PGBD5: variants seen among roughly 807,000 people sequenced by gnomAD.
The protein encoded by PGBD5 is piggyBac transposable element derived 5.
A neutral mutation model predicts 47.9 loss-of-function variants in PGBD5; 14 were observed. The observed-to-expected ratio is 0.29, with a 90% confidence interval of 0.19 to 0.46. The LOEUF (loss-of-function observed/expected upper bound fraction) is 0.46. Among genes scored for constraint, PGBD5 ranks in the 20% least tolerant of loss-of-function variants. The pLI, the probability that PGBD5 is intolerant of heterozygous loss-of-function variation, is 1.00. For synonymous variants in PGBD5, 316 were observed against 306.3 expected, an observed-to-expected ratio of 1.03 and a Z score of -0.33; for missense variants, 635 against 716.0, an observed-to-expected ratio of 0.89 and a Z score of 1.29.
chr1:230,329,949 TC>T (rs1667186353), intron 5 of PGBD5, among the ~76,000 whole-genome samples: 2 of 152,284 alleles, frequency 1.3e-5, no homozygotes, highest in African/African-American at 4.8e-5. Flanking sequence ...TATCAACAGA[TC>T]CGCCTATGAA....
intron 1 of PGBD5, among the ~76,000 whole-genome samples, chr1:230,403,691 A>T (rs1657202142): frequency 1.3e-5 from 2 of 152,222 alleles, no homozygotes; most frequent in South Asian, 4.1e-4. Flanking sequence ...AGGGAAGGTC[A>T]TGCGGGGTCC....
chr1:230,335,810 C>G (rs116702701), intron 4 of PGBD5, among the ~76,000 whole-genome samples: 1 of 51,438 alleles, frequency 1.9e-5, no homozygotes, highest in Non-Finnish European at 5.4e-5. Context: ...GACACACAGA[C>G]ACATACACTG....
At chr1:230,332,307 T>G (rs1667233176) in intron 5 of PGBD5, among the ~76,000 whole-genome samples, 1 of 152,240 alleles carries the variant, frequency 6.6e-6, no homozygotes, top group African/African-American at 2.4e-5. Flanking sequence ...TTTCAGTGGT[T>G]TAGTGATGAT....
chr1:230,343,286 G>C (rs1474607600), intron 3 of PGBD5, among the ~76,000 whole-genome samples: 1 of 152,216 alleles, frequency 6.6e-6, no homozygotes, highest in African/African-American at 2.4e-5. Flanking sequence ...GGTTGGAGGA[G>C]GGACATGTAT....
intron 3 of PGBD5, among the ~76,000 whole-genome samples, chr1:230,338,944 C>T (rs567130919): frequency 2.2e-4 from 33 of 152,282 alleles, no homozygotes; most frequent in South Asian, 6.2e-4. Flanking sequence ...TGGGCCCATG[C>T]GAGATAAGTT....
chr1:230,357,348 T>C lies in PGBD5; in HGVS notation c.332-27A>G. ...TGAAACCCAAAGACAGGTGGAGTGT[T>C]CCTTAGGACGGCCGCCACACCCTGA... On this transcript the variant is annotated intron_variant, in intron 1 of 6. Coordinates refer to ENST00000391860, the MANE Select transcript of PGBD5 (RefSeq NM_001258311.2). This position sits in a 1 kb window ranked among gnomAD's most constrained non-coding sequence, Gnocchi z 5.7. 1 of 1,597,870 alleles carries C rather than the reference T, an allele frequency of 6.3e-7. No individual in the cohort carries two copies. Among genetic ancestry groups the C allele is most frequent in the Admixed American group, 1.7e-5 (1 of 59,348 alleles).
intron 2 of PGBD5, among the ~76,000 whole-genome samples, chr1:230,354,226 G>A (rs75883833): frequency 0.026 from 3,952 of 152,274 alleles, 157 homozygotes; most frequent in African/African-American, 0.089. Context: ...CGGAGCTGGT[G>A]CAACAGGCTG....
intron 1 of PGBD5, among the ~76,000 whole-genome samples, chr1:230,401,661 C>A (rs891052792): frequency 2.0e-5 from 3 of 152,134 alleles, no homozygotes; most frequent in African/African-American, 7.2e-5. Flanking sequence ...CAGATTTTAC[C>A]CTTCATAATC....
intron 2 of PGBD5, among the ~76,000 whole-genome samples, chr1:230,351,399 C>T (rs1314708378): frequency 6.6e-6 from 1 of 152,090 alleles, no homozygotes; most frequent in African/African-American, 2.4e-5. Flanking sequence ...GTCCCTTGTC[C>T]CAACTCTCAC....
intron 2 of PGBD5, among the ~76,000 whole-genome samples, chr1:230,353,307 G>A (rs760578249): frequency 1.8e-4 from 28 of 152,078 alleles, no homozygotes; most frequent in Admixed American, 1.8e-3. Flanking sequence ...GGTATGGTAG[G>A]GGAAAGACAA....
At chr1:230,384,443 C>T (rs1405992475) in intron 1 of PGBD5, among the ~76,000 whole-genome samples, 2 of 152,048 alleles carry the variant, frequency 1.3e-5, no homozygotes, top group African/African-American at 4.8e-5. Flanking sequence ...AAATTCTGCC[C>T]CTGGCATGTG....
In PGBD5 at chr1:230,333,057, G is replaced by A. The variant is rs374586943; in HGVS notation, c.1076-16C>T. ...CAGTAAATCCCTGAGGGGAGAGGGAGGAAGGATCGCACACTCACCACCATC... is the reference window on the plus strand; with the variant it reads ...CAGTAAATCCCTGAGGGGAGAGGGAAGAAGGATCGCACACTCACCACCATC... On this transcript the variant is annotated splice_polypyrimidine_tract_variant and intron_variant, in intron 4 of 6. Transcript: ENST00000391860. 1.9e-6 allele frequency: 3 copies of A among 1,576,342 alleles called. No homozygotes were observed. In the South Asian group the frequency reaches 3.5e-5, roughly 18 times the overall value.
In PGBD5 at chr1:230,350,938, G is replaced by A. The variant is rs373039702; in HGVS notation, c.894+20C>T. ...CCGACCCTCTTCACCGACCCTCCCC[G>A]GGCTCAGCCCAGGGCTCACCTGGAT... On this transcript the variant is annotated intron_variant, in intron 3 of 6. Transcript: ENST00000391860. The A allele has an allele frequency of 1.6e-5, 25 of 1,612,050 alleles. No individual in the cohort carries two copies. In the East Asian group the frequency reaches 2.2e-4, roughly 14 times the overall value.
chr1:230,398,531 C>T (rs567076825), intron 1 of PGBD5, among the ~76,000 whole-genome samples: 42 of 152,256 alleles, frequency 2.8e-4, no homozygotes, highest in Admixed American at 1.8e-3. Flanking sequence ...GTTAGGACTT[C>T]GACATATGAA....
intron 2 of PGBD5, among the ~76,000 whole-genome samples, chr1:230,352,584 A>G (rs562506979): frequency 2.0e-5 from 3 of 152,284 alleles, no homozygotes; most frequent in Non-Finnish European, 2.9e-5. Flanking sequence ...TTAGCAGTGC[A>G]TATCTGCCTC....
At chr1:230,399,086 C>T (rs1016539926) in intron 1 of PGBD5, among the ~76,000 whole-genome samples, 2 of 151,854 alleles carry the variant, frequency 1.3e-5, no homozygotes, top group African/African-American at 4.8e-5. Context: ...TCAGGTGCAG[C>T]TCATCAGTGA....
rs933616221 is a variant in PGBD5 at position 230,319,892 on chromosome 1, C to T, written c.*3533G>A. On this transcript the variant is annotated 3_prime_UTR_variant, in exon 7 of 7. Transcript: ENST00000391860. ...TTTGTGGCGGGGTGGGGGTTGGAGT[C>T]TCGCTCTGTCACCCAGGCTGGAGTG... is the stretch of plus-strand genomic sequence containing the variant. 1.6e-5 allele frequency: 2 copies of T among 125,018 alleles called. No homozygotes were observed. The highest frequency in any genetic ancestry group is 6.3e-5 in the African/African-American group (2 of 31,776). The allele number at this position is 125,018 out of a possible 1,614,324, so 7.7% of individuals were successfully genotyped here. A position where few individuals can be genotyped will look rare whatever the true frequency, so the allele number is the denominator to read the frequency against.
At chr1:230,353,927 C>G (rs760416746) in intron 2 of PGBD5, among the ~76,000 whole-genome samples, 1 of 152,194 alleles carries the variant, frequency 6.6e-6, no homozygotes, top group South Asian at 2.1e-4. Context: ...GTGGCAGATG[C>G]GTCTCTGAGA....
At position 230,356,878 on chromosome 1, in the gene PGBD5, C is replaced by A. The variant is rs1667655153; in HGVS notation, c.759+16G>T. ...AGGACACCTGGACAAGCTCTTACGT[C>A]CTGCGTGGGCCTCACCTGGGTTTGG... On this transcript the variant is annotated intron_variant, in intron 2 of 6. Transcript: ENST00000391860. 6.2e-7 allele frequency: 1 copy of A among 1,607,888 alleles called. No homozygotes were observed. The highest frequency in any genetic ancestry group is 1.7e-5 in the Admixed American group (1 of 59,822).
Sources: gnomAD v4.1 joint callset for allele counts (sites outside exome capture counted in the v4.1 genomes callset) on GRCh38, gnomAD v4.1.1 for gene constraint, Gnocchi (gnomAD v3.1) non-coding constraint, MANE v1.5 for transcripts, NCBI Gene and HGNC (gene_info 2026-07-23, HGNC 2026-07-21) for gene names.